The following ALG13 variants were observed in gnomAD, a reference collection of about 807,000 sequenced individuals.
ALG13 encodes the protein ALG13 UDP-N-acetylglucosaminyltransferase subunit.
ALG13 carries 11 observed loss-of-function variants against 87.8 expected under a neutral mutation model. The ratio of observed to expected loss-of-function variants is 0.13; its 90% CI spans 0.08 to 0.21. The LOEUF is 0.21. Among genes scored for constraint, ALG13 ranks in the 10% least tolerant of loss-of-function variants. The pLI is 1.00. For synonymous variants in ALG13, 320 were observed against 306.3 expected (o/e 1.04, Z -0.47); for missense variants, 756 against 866.1 (o/e 0.87, Z 1.60).
chrX:111,727,467 A>G (rs1442636764), intron 17 of ALG13, 22 bp downstream of exon 17: 1 of 1,152,627 alleles, frequency 8.7e-7, no homozygotes, highest in Admixed American at 2.3e-5. Flanking sequence ...GTTGAAAGTC[A>G]GAGAAAATTG....
intron 3 of ALG13, among the ~76,000 whole-genome samples, chrX:111,707,052 TAAATAA>T (rs1436626071): frequency 8.9e-6 from 1 of 111,770 alleles, no homozygotes. Flanking sequence ...TTTTTGCATT[TAAATAA>T]AAATAAAAGA....
chrX:111,709,945 A>G (rs1299615571), intron 5 of ALG13, among the ~76,000 whole-genome samples: 4 of 111,137 alleles, frequency 3.6e-5, no homozygotes, highest in Non-Finnish European at 7.5e-5. Flanking sequence ...CGTCTCAAGT[A>G]TTTCTGTGCA....
chrX:111,740,598 A>G (rs1943658353), intron 23 of ALG13, among the ~76,000 whole-genome samples: 1 of 110,802 alleles, frequency 9.0e-6, no homozygotes, highest in African/African-American at 3.3e-5. Flanking sequence ...GAAATGTTCA[A>G]GATGAGCCTG....
chrX:111,704,883 T>G (rs141552120), intron 3 of ALG13, among the ~76,000 whole-genome samples: 1,285 of 111,899 alleles, frequency 0.011, 10 homozygotes, highest in African/African-American at 0.031. Flanking sequence ...ACAATTTAAT[T>G]TTTAGTGAAT....
chrX:111,724,673 C>T (rs1941773466), intron 14 of ALG13, among the ~76,000 whole-genome samples: 1 of 112,086 alleles, frequency 8.9e-6, no homozygotes, highest in Non-Finnish European at 1.9e-5. Flanking sequence ...ATTTAATCCT[C>T]CAAGGAGGCA....
chrX:111,753,578 A>G (rs1944950637), intron 25 of ALG13, among the ~76,000 whole-genome samples: 1 of 112,082 alleles, frequency 8.9e-6, no homozygotes, highest in South Asian at 3.7e-4. Context: ...AGAGAGAAGA[A>G]TCAAATAGAC....
intron 5 of ALG13, among the ~76,000 whole-genome samples, chrX:111,709,722 G>A (rs1399817902): frequency 1.9e-5 from 2 of 107,670 alleles, no homozygotes; most frequent in Non-Finnish European, 3.8e-5. Context: ...CCCTTGCAGT[G>A]CTATTTGTTT....
At chrX:111,686,908 C>A (rs1935097318) in intron 3 of ALG13, among the ~76,000 whole-genome samples, 1 of 111,800 alleles carries the variant, frequency 8.9e-6, no homozygotes, top group South Asian at 3.7e-4. Context: ...TCAAGAAAGT[C>A]ACATAAAAGC....
At position 111,689,535 on chromosome X, in the gene ALG13, C is replaced by T. The variant is rs774712259; in HGVS notation, c.383+4432C>T. On this transcript the variant is annotated intron_variant, in intron 3 of 26. Transcript: ENST00000394780. ...TATTTCATTTAGCAGAGGTTTAAGCCGTTGTTGTCAATTGTGTGCAGTAAC... is the reference window on the plus strand; with the variant it reads ...TATTTCATTTAGCAGAGGTTTAAGCTGTTGTTGTCAATTGTGTGCAGTAAC... 60 of 751,534 alleles carry T rather than the reference C, an allele frequency of 8.0e-5. 1 individual carries two copies. In the South Asian group the frequency reaches 2.9e-3, roughly 37 times the overall value. The allele number at this position is 751,534 out of a possible 1,213,427, so 61.9% of individuals were successfully genotyped here.
intron 23 of ALG13, among the ~76,000 whole-genome samples, chrX:111,741,703 C>T (rs1222195850): frequency 1.8e-5 from 2 of 109,995 alleles, no homozygotes; most frequent in East Asian, 5.7e-4. Context: ...ATCCCAGCTA[C>T]TCTGGAGGCT....
chrX:111,722,617 T>C (rs377009823), intron 12 of ALG13, among the ~76,000 whole-genome samples, 176 bp from the exon 13 acceptor site: 1 of 112,431 alleles, frequency 8.9e-6, no homozygotes, highest in Non-Finnish European at 1.9e-5. Flanking sequence ...CTTTTTAAAT[T>C]GACTGCAGAA....
At chrX:111,744,616 C>A in intron 23 of ALG13, 52 bp from the exon 24 acceptor site, 1 of 1,120,158 alleles carries the variant, frequency 8.9e-7, no homozygotes, top group Non-Finnish European at 1.2e-6. Flanking sequence ...GCCTACTGTT[C>A]ATAAGGTGTT....
At chrX:111,751,478 T>G (rs760437692) in intron 24 of ALG13, among the ~76,000 whole-genome samples, 1 of 112,009 alleles carries the variant, frequency 8.9e-6, no homozygotes, top group Admixed American at 9.5e-5. Flanking sequence ...AGCCATGATA[T>G]CTCCAAAGTA....
intron 25 of ALG13, among the ~76,000 whole-genome samples, chrX:111,755,562 C>T (rs751043932): frequency 7.5e-4 from 84 of 112,425 alleles, no homozygotes; most frequent in African/African-American, 2.7e-3. Context: ...CCAGAATCTA[C>T]AAGGAACTTA....
rs950728377 is a variant in ALG13 at position 111,707,880 on chromosome X, A to C, written c.384-147A>C. On this transcript the variant is annotated intron_variant, in intron 3 of 26. Transcript: ENST00000394780. ...TCAGCTGCTTATGCATACTTTTCTC[A>C]ACCTTGGTCTGATTGGGTTAGATTG... is the stretch of plus-strand genomic sequence containing the variant. 6.2e-6 allele frequency: 4 copies of C among 645,153 alleles called. No homozygotes were observed. The East Asian group carries it at 1.4e-4, about 23-fold the overall frequency. 53.2% of individuals were successfully genotyped at this position (645,153 alleles called of 1,213,427 possible). A position where few individuals can be genotyped will look rare whatever the true frequency, so the allele number is the denominator to read the frequency against.
At chrX:111,718,314 A>G (rs761632822) in intron 10 of ALG13, 40 bp downstream of exon 10, 1 of 1,111,552 alleles carries the variant, frequency 9.0e-7, no homozygotes, top group Admixed American at 2.6e-5. Flanking sequence ...ATTATGTTTC[A>G]TACTTCTGTG....
At chrX:111,682,753 G>A (rs1933789162) in intron 2 of ALG13, among the ~76,000 whole-genome samples, 1 of 112,181 alleles carries the variant, frequency 8.9e-6, no homozygotes, top group African/African-American at 3.2e-5. Flanking sequence ...ATCTAAAGGA[G>A]TGTTCTGCCT....
chrX:111,757,899 T>A, intron 26 of ALG13, 137 bp downstream of exon 26: 1 of 582,077 alleles, frequency 1.7e-6, no homozygotes, highest in Non-Finnish European at 2.7e-6. Flanking sequence ...GGACCTCTTG[T>A]GGTCCCTAAG....
chrX:111,708,490 C>T, intron 4 of ALG13, 97 bp downstream of exon 4: 1 of 1,027,398 alleles, frequency 9.7e-7, no homozygotes, highest in Non-Finnish European at 1.3e-6. Context: ...AATTCCCCTG[C>T]TTTCTAGTGA....
Sources: gnomAD v4.1 joint callset for allele counts (sites outside exome capture counted in the v4.1 genomes callset) on GRCh38, gnomAD v4.1.1 for gene constraint, MANE v1.5 for transcripts, NCBI Gene and HGNC (gene_info 2026-07-23, HGNC 2026-07-21) for gene names.